The following UTP20 variants were observed in gnomAD, a reference collection of about 807,000 sequenced individuals.
UTP20 encodes small subunit processome component 20 homolog.
Under a neutral mutation model 329.5 loss-of-function variants are expected in UTP20, and 164 were observed. The observed-to-expected ratio is 0.50, with a 90% CI of 0.44 to 0.57. The LOEUF is 0.57. Ranked by LOEUF, UTP20 falls within the 20% of genes least tolerant of loss-of-function variation. The pLI is 0.00. For missense variants in UTP20, 3,055 were observed against 3,284.2 expected, an observed-to-expected ratio of 0.93 and a Z score of 1.71; for synonymous variants, 1,151 against 1,159.3, an observed-to-expected ratio of 0.99 and a Z score of 0.14.
Position 101,339,980 on chromosome 12 carries a change from G to A in UTP20, c.4014-543G>A, listed in dbSNP as rs144309870. Among the ~76,000 whole-genome samples, 1,286 of 152,282 alleles carry A rather than the reference G, an allele frequency of 8.4e-3. 19 individuals are homozygous for A. The highest frequency in any genetic ancestry group is 0.029 in the African/African-American group (1,198 of 41,558). ...CTCATTAAATTTCATCCCAGGCTATGTAGTAGTAGAAGGATGATGAGAGGA... is the reference window on the plus strand; with the variant it reads ...CTCATTAAATTTCATCCCAGGCTATATAGTAGTAGAAGGATGATGAGAGGA... On this transcript the variant is annotated intron_variant, in intron 31 of 61. Transcript: ENST00000261637.
chr12:101,369,103 ACTGT>A (rs1870195306), intron 48 of UTP20, among the ~76,000 whole-genome samples: 1 of 152,196 alleles, frequency 6.6e-6, no homozygotes, highest in African/African-American at 2.4e-5. Context: ...TTCTGAGTTA[ACTGT>A]CTGCTGCATA....
intron 18 of UTP20, 112 bp downstream of exon 18, chr12:101,308,455 A>C (rs1378018959): frequency 1.5e-6 from 1 of 654,892 alleles, no homozygotes; most frequent in Non-Finnish European, 1.9e-6. Flanking sequence ...TAATAATTTA[A>C]AAATAATAAG....
intron 15 of UTP20, 124 bp from the exon 16 acceptor site, chr12:101,305,791 T>G: frequency 4.3e-5 from 49 of 1,150,754 alleles, no homozygotes; most frequent in South Asian, 7.2e-5. Flanking sequence ...GATATCCACG[T>G]GAGACTTTTG....
chr12:101,340,937 C>CTTTTTTTTTTTTTT (rs71091488), intron 32 of UTP20, among the ~76,000 whole-genome samples: 4 of 83,020 alleles, frequency 4.8e-5, no homozygotes, highest in African/African-American at 7.3e-5. Context: ...ATTGTGTAAT[C>CTTTTTTTTTTTTTT]TTTTTTTTTT....
intron 12 of UTP20, 65 bp downstream of exon 12, chr12:101,295,723 GA>G: frequency 6.9e-7 from 1 of 1,448,868 alleles, no homozygotes; most frequent in Non-Finnish European, 9.2e-7. Flanking sequence ...AATGTATCAA[GA>G]ATACTGTAAA....
Position 101,290,844 on chromosome 12 carries a change from TACATCTCCAAGGA to T in UTP20, c.852_864del (p.Ser285LeufsTer19). ...AAACATGGTCAAATCCACTGTATCC[TACATCTCCAAGGA>T]ACATTTTGGTACATTTTTTGAATGT... On this transcript the variant is annotated frameshift_variant, in exon 8 of 62. Transcript: ENST00000261637. LOFTEE classifies it high-confidence loss of function. 1 of 1,613,844 alleles carries T rather than the reference TACATCTCCAAGGA, an allele frequency of 6.2e-7. No individual in the cohort carries two copies. Among genetic ancestry groups the T allele is most frequent in the Non-Finnish European group, 8.5e-7 (1 of 1,179,878 alleles).
intron 17 of UTP20, 141 bp downstream of exon 17, chr12:101,306,902 G>A (rs1056676146): frequency 4.7e-5 from 36 of 771,008 alleles, no homozygotes; most frequent in Non-Finnish European, 5.8e-5. Flanking sequence ...GGCTGGGCGC[G>A]GTGGCTCACG....
At chr12:101,319,501 C>T in intron 22 of UTP20, 44 bp from the exon 23 acceptor site, 1 of 1,468,830 alleles carries the variant, frequency 6.8e-7, no homozygotes, top group South Asian at 1.2e-5. Context: ...AAAATGATCT[C>T]AATTCTTTAA....
chr12:101,312,394 C>A, intron 21 of UTP20, 118 bp downstream of exon 21: 1 of 1,373,640 alleles, frequency 7.3e-7, no homozygotes, highest in Non-Finnish European at 9.8e-7. Context: ...TTTCTGCTTC[C>A]AATCATCCAT....
At chr12:101,322,339 T>C (rs1190643726) in intron 25 of UTP20, among the ~76,000 whole-genome samples, 3 of 152,178 alleles carry the variant, frequency 2.0e-5, no homozygotes, top group African/African-American at 7.2e-5. Flanking sequence ...AATAATATAA[T>C]TAAATTTAAT....
chr12:101,349,148 T>G (rs1157302813), intron 38 of UTP20, among the ~76,000 whole-genome samples: 1 of 152,106 alleles, frequency 6.6e-6, no homozygotes, highest in Non-Finnish European at 1.5e-5. Flanking sequence ...GTAATGTGTT[T>G]GGGGTTTTTT....
At chr12:101,292,235 G>A (rs749805286) in intron 10 of UTP20, 131 bp downstream of exon 10, 11 of 1,051,162 alleles carry the variant, frequency 1.0e-5, no homozygotes, top group Non-Finnish European at 1.5e-5. Context: ...TTAAGGAAAT[G>A]GGAATTGCAT....
chr12:101,319,633 C>T lies in UTP20; in HGVS notation c.2827C>T (p.Gln943Ter), dbSNP rs1411037542. The T allele has an allele frequency of 1.9e-6, 3 of 1,594,514 alleles. No individual in the cohort carries two copies. The highest frequency in any genetic ancestry group is 2.2e-5 in the East Asian group (1 of 44,592). Residue 943 changes from glutamine to a stop codon, truncating the protein, a stop_gained and splice_region_variant, in exon 23 of 62, where the codon CAG (glutamine) becomes TAG (stop). Transcript: ENST00000261637. LOFTEE classifies it high-confidence loss of function. ...LESKLYELYLQLLLHQDQMVQ... is the reference protein window; with the variant it reads ...LESKLYELYL ...ATCCAAACTATATGAGTTATATCTT[C>T]AGGTCAGTAAAATAAACTCTTGGCA...
At chr12:101,348,447 C>T (rs1869403533) in intron 38 of UTP20, among the ~76,000 whole-genome samples, 1 of 151,800 alleles carries the variant, frequency 6.6e-6, no homozygotes, top group South Asian at 2.1e-4. Flanking sequence ...ATAGGTTTTG[C>T]CTCTCCATTC....
At chr12:101,385,791 T>A in intron 61 of UTP20, 63 bp downstream of exon 61, 1 of 1,558,944 alleles carries the variant, frequency 6.4e-7, no homozygotes, top group Non-Finnish European at 8.6e-7. Flanking sequence ...AGTGTGCATG[T>A]TTGTGTCACA....
chr12:101,369,634 A>ATT (rs112252870), intron 48 of UTP20, 87 bp from the exon 49 acceptor site: 2 of 708,448 alleles, frequency 2.8e-6, no homozygotes. Flanking sequence ...CAGCACAATC[A>ATT]TTTAAAGAGT....
At chr12:101,378,260 AT>A (rs1343367826) in intron 56 of UTP20, among the ~76,000 whole-genome samples, 1 of 152,168 alleles carries the variant, frequency 6.6e-6, no homozygotes, top group Non-Finnish European at 1.5e-5. Context: ...CAGAATTGTT[AT>A]GAGGTCTAAA....
rs914199008 is a variant in UTP20 at position 101,295,797 on chromosome 12, A to G, written c.1430+139A>G. 3.2e-6 allele frequency: 3 copies of G among 925,280 alleles called. No homozygotes were observed. The African/African-American group carries it at 5.0e-5, about 15-fold the overall frequency. 57.3% of individuals were successfully genotyped at this position (925,280 alleles called of 1,614,324 possible). ...AAGTTGTGTGAAAAAAGCAAGTTGT[A>G]GAGCTACACACATAGTACGTATAGT... On this transcript the variant is annotated intron_variant, in intron 12 of 61. Transcript: ENST00000261637.
chr12:101,310,976 C>T (rs1472173951), intron 19 of UTP20, among the ~76,000 whole-genome samples: 2 of 152,190 alleles, frequency 1.3e-5, no homozygotes, highest in Admixed American at 6.5e-5. Context: ...ACCAGTAGCA[C>T]ACTATCAACA....
Sources: gnomAD v4.1 joint callset for allele counts (sites outside exome capture counted in the v4.1 genomes callset) on GRCh38, gnomAD v4.1.1 for gene constraint, MANE v1.5 for transcripts, NCBI Gene and HGNC (gene_info 2026-07-23, HGNC 2026-07-21) for gene names.